KAZN: variants seen among roughly 807,000 people sequenced by gnomAD.
KAZN encodes the protein kazrin.
Under a neutral mutation model 87.4 loss-of-function variants are expected in KAZN, and 40 were observed. That is an observed-to-expected ratio of 0.46 (90% CI 0.36 to 0.60). The LOEUF (loss-of-function observed/expected upper bound fraction) is 0.60, where lower values mean the gene tolerates loss of function less well. Among genes scored for constraint, KAZN ranks in the 20% least tolerant of loss-of-function variants. The pLI is 0.00. For synonymous variants in KAZN, 466 were observed against 458.3 expected (o/e 1.02, Z -0.22); for missense variants, 898 against 1,073.9 (o/e 0.84, Z 2.29).
chr1:14,685,371 T>G (rs994243002), intron 1 of KAZN, among the ~76,000 whole-genome samples: 2 of 152,190 alleles, frequency 1.3e-5, no homozygotes, highest in Non-Finnish European at 2.9e-5. Flanking sequence ...ACTGGTCTGA[T>G]GTACAGGTGG....
chr1:14,681,800 C>A (rs1244818017), intron 1 of KAZN, among the ~76,000 whole-genome samples: 1 of 147,440 alleles, frequency 6.8e-6, no homozygotes, highest in East Asian at 2.0e-4. Context: ...CTGCCATTCT[C>A]CTGCCTCAGC....
chr1:14,598,985 C>A lies in KAZN; in HGVS notation c.-13C>A. The A allele has an allele frequency of 1.9e-6, 3 of 1,567,342 alleles. No homozygotes were observed. The highest frequency in any genetic ancestry group is 2.6e-6 in the Non-Finnish European group (3 of 1,160,426). On this transcript the variant is annotated 5_prime_UTR_variant, in exon 1 of 15. Transcript: ENST00000376030. The surrounding 1 kb of genome is among the most constrained non-coding windows in gnomAD (Gnocchi z 4.2). ...TTTGTCACCTCTCTCGCCCCCAGGC[C>A]AAAATCCTGAGCATGATGGAAGACA...
chr1:14,284,028 A>C (rs889383872), intron 2 of KAZN, among the ~76,000 whole-genome samples: 18 of 152,038 alleles, frequency 1.2e-4, no homozygotes, highest in Non-Finnish European at 4.4e-5. Context: ...ATATGATTCC[A>C]CTTATACAAA....
At chr1:14,343,869 T>G (rs1343638887) in intron 2 of KAZN, among the ~76,000 whole-genome samples, 2 of 152,214 alleles carry the variant, frequency 1.3e-5, no homozygotes, top group Non-Finnish European at 2.9e-5. Flanking sequence ...TAAAAACACA[T>G]TGCAACATTT....
chr1:14,586,007 A>G (rs1465686260), intron 2 of KAZN, among the ~76,000 whole-genome samples: 2 of 152,222 alleles, frequency 1.3e-5, no homozygotes, highest in Non-Finnish European at 2.9e-5. Flanking sequence ...AATTTTAAAC[A>G]GACACAGCTG....
intron 1 of KAZN, among the ~76,000 whole-genome samples, chr1:14,067,810 G>A (rs1570657823): frequency 6.6e-6 from 1 of 152,210 alleles, no homozygotes; most frequent in African/African-American, 2.4e-5. Context: ...ATGTCACTGG[G>A]ACTTGGTTTG....
At chr1:14,708,227 C>T (rs1178420754) in intron 1 of KAZN, among the ~76,000 whole-genome samples, 1 of 152,174 alleles carries the variant, frequency 6.6e-6, no homozygotes, top group Non-Finnish European at 1.5e-5. Context: ...CATTGCTCCC[C>T]TGGAGAGCCC....
intron 2 of KAZN, among the ~76,000 whole-genome samples, chr1:14,330,039 G>A (rs564147207): frequency 6.6e-6 from 1 of 152,240 alleles, no homozygotes; most frequent in Admixed American, 6.5e-5. Flanking sequence ...AGCTGCTCAG[G>A]GCACACTCAA....
exon 2 of KAZN, chr1:14,180,492 C>T (rs1390497815): frequency 1.5e-5 from 23 of 1,550,172 alleles, no homozygotes; most frequent in East Asian, 7.3e-5. Context: ...GTCACCAAGT[C>T]GAAGGCACTG....
intron 2 of KAZN, among the ~76,000 whole-genome samples, chr1:15,010,552 A>G (rs61772177): frequency 0.071 from 10,800 of 152,038 alleles, 488 homozygotes; most frequent in Non-Finnish European, 0.11. Context: ...CACCATGCCC[A>G]GCTAATTTTT....
chr1:14,303,404 C>T (rs1027841371), intron 2 of KAZN, among the ~76,000 whole-genome samples: 5 of 152,092 alleles, frequency 3.3e-5, no homozygotes, highest in African/African-American at 4.8e-5. Context: ...CCACCACACC[C>T]GGCTAATTTT....
rs1639798335 is a variant in KAZN at position 14,001,672 on chromosome 1, C to T, written c.91+107916C>T. Among the ~76,000 whole-genome samples the T allele has an allele frequency of 4.6e-5, 7 of 152,272 alleles. No individual in the cohort carries two copies. The South Asian group carries it at 1.5e-3, about 32-fold the overall frequency. ...AAAACAGACATATAGACCAATGGAA[C>T]AGGACAGAGACCTCAGAAATAACAC... On this transcript the variant is annotated intron_variant, in intron 1 of 16. Transcript: ENST00000636203.
At chr1:14,995,904 C>A (rs908767438) in intron 2 of KAZN, among the ~76,000 whole-genome samples, 11 of 152,194 alleles carry the variant, frequency 7.2e-5, no homozygotes, top group African/African-American at 2.6e-4. Context: ...AATTTGTTAC[C>A]ACCATTTAAA....
chr1:13,934,278 GC>G (rs1184200464), intron 1 of KAZN, among the ~76,000 whole-genome samples: 1 of 152,160 alleles, frequency 6.6e-6, no homozygotes, highest in African/African-American at 2.4e-5. Context: ...TTTTCTGTGA[GC>G]CTCCATTGGG....
chr1:14,764,378 T>TCCCCCCCC (rs1407501725), intron 1 of KAZN, among the ~76,000 whole-genome samples: 1 of 68,626 alleles, frequency 1.5e-5, no homozygotes, highest in Non-Finnish European at 3.2e-5. Context: ...CCCGACCCCC[T>TCCCCCCCC]CCCCCACACC....
intron 2 of KAZN, among the ~76,000 whole-genome samples, chr1:14,227,564 A>T (rs1571074296): frequency 6.6e-6 from 1 of 152,122 alleles, no homozygotes; most frequent in African/African-American, 2.4e-5. Context: ...GTATCCCAGC[A>T]GAAGCTGCAA....
At chr1:15,012,003 C>T (rs148826264) in intron 2 of KAZN, among the ~76,000 whole-genome samples, 4 of 152,326 alleles carry the variant, frequency 2.6e-5, no homozygotes, top group African/African-American at 9.6e-5. Flanking sequence ...CCCCCAGCCT[C>T]AGGCTGCATC....
chr1:14,298,409 TAG>T (rs1240251687), intron 2 of KAZN, among the ~76,000 whole-genome samples: 1 of 152,188 alleles, frequency 6.6e-6, no homozygotes, highest in Non-Finnish European at 1.5e-5. Context: ...AAAAACTCAT[TAG>T]ACTGTTGATG....
intron 1 of KAZN, among the ~76,000 whole-genome samples, chr1:14,708,134 A>C (rs1642306901): frequency 6.6e-6 from 1 of 152,098 alleles, no homozygotes; most frequent in South Asian, 2.1e-4. Flanking sequence ...TTAGTGATGC[A>C]CCCATAAAGT....
Sources: allele counts gnomAD v4.1 joint callset (sites outside exome capture counted in the v4.1 genomes callset), GRCh38; gene constraint gnomAD v4.1.1; non-coding constraint Gnocchi (gnomAD v3.1); transcripts MANE v1.5; gene names NCBI Gene and HGNC (gene_info 2026-07-23, HGNC 2026-07-21).